The following THADA variants were observed in gnomAD, a reference collection of about 807,000 sequenced individuals.
THADA encodes the protein tRNA (32-2'-O)-methyltransferase regulator THADA.
A neutral mutation model predicts 219.8 loss-of-function variants in THADA; 213 were observed. The ratio of observed to expected loss-of-function variants is 0.97; its 90% CI spans 0.87 to 1.09. The LOEUF (loss-of-function observed/expected upper bound fraction) is 1.09, where lower values mean the gene tolerates loss of function less well. THADA is among the 50% of genes least tolerant of loss of function. THADA has a pLI of 0.00. For synonymous variants in THADA, 1,018 were observed against 828.9 expected, an observed-to-expected ratio of 1.23 and a Z score of -3.92; for missense variants, 2,956 against 2,311.3, an observed-to-expected ratio of 1.28 and a Z score of -5.72.
intron 28 of THADA, among the ~76,000 whole-genome samples, chr2:43,407,499 G>A (rs1675713139): frequency 6.6e-6 from 1 of 152,046 alleles, no homozygotes; most frequent in South Asian, 2.1e-4. Flanking sequence ...ACAAATCATA[G>A]GTGCTGAGTA....
At chr2:43,514,617 ATTTT>A in intron 22 of THADA, among the ~76,000 whole-genome samples, 1 of 104,970 alleles carries the variant, frequency 9.5e-6, no homozygotes, top group Non-Finnish European at 1.7e-5. Context: ...TATTTTATAT[ATTTT>A]ATATATATGT....
chr2:43,257,970 C>T (rs1447738267), intron 36 of THADA, among the ~76,000 whole-genome samples: 2 of 152,070 alleles, frequency 1.3e-5, no homozygotes, highest in African/African-American at 4.8e-5. Context: ...GTTGGGGATT[C>T]AGCAGGCTCT....
At chr2:43,412,298 TC>T (rs1676401869) in intron 28 of THADA, among the ~76,000 whole-genome samples, 1 of 152,184 alleles carries the variant, frequency 6.6e-6, no homozygotes, top group South Asian at 2.1e-4. Context: ...AATGTATGAG[TC>T]ACTCTTCAGT....
chr2:43,376,289 C>T (rs973939770), intron 29 of THADA, among the ~76,000 whole-genome samples: 10 of 152,198 alleles, frequency 6.6e-5, no homozygotes, highest in African/African-American at 2.4e-4. Context: ...CTACAAACAC[C>T]TAAGACAATT....
chr2:43,510,864 G>A (rs1285887614), intron 22 of THADA, among the ~76,000 whole-genome samples: 11 of 151,574 alleles, frequency 7.3e-5, no homozygotes, highest in African/African-American at 2.2e-4. Flanking sequence ...CCAGCTACTC[G>A]GGAGGCTGAA....
intron 12 of THADA, 84 bp from the exon 13 acceptor site, chr2:43,571,946 T>C: frequency 1.5e-6 from 2 of 1,340,614 alleles, no homozygotes; most frequent in South Asian, 1.4e-5. Context: ...TTACATAGGC[T>C]ACAAAAGGAA....
At position 43,428,139 on chromosome 2, in the gene THADA, G is replaced by A. The variant is rs1678737746; in HGVS notation, c.4019C>T (p.Ser1340Phe). Residue 1340 changes from serine (S) to phenylalanine (F), a missense_variant, in exon 28 of 38, where the codon TCT becomes TTT. Coordinates refer to ENST00000405975, the MANE Select transcript of THADA (RefSeq NM_022065.5). ...AACAAAAGGTCCCATGCTGAGAGCA[G>A]AAGAAGTACCATCCATCGGGGAAGC... ...LYASPMDGTS[S>F]ALSMGPFVPF... The A allele has an allele frequency of 1.3e-6, 2 of 1,562,686 alleles. No homozygotes were observed. Among genetic ancestry groups the A allele is most frequent in the Admixed American group, 1.7e-5 (1 of 58,430 alleles).
intron 30 of THADA, among the ~76,000 whole-genome samples, chr2:43,341,690 G>A (rs943270916): frequency 6.6e-6 from 1 of 152,118 alleles, no homozygotes; most frequent in Admixed American, 6.5e-5. Flanking sequence ...AGGATACTTG[G>A]GACAGTCCTG....
intron 26 of THADA, among the ~76,000 whole-genome samples, chr2:43,456,023 A>G (rs1253140758): frequency 6.6e-6 from 1 of 152,178 alleles, no homozygotes; most frequent in African/African-American, 2.4e-5. Flanking sequence ...AGACTACGCT[A>G]CAGTGCTATT....
At chr2:43,337,288 C>T (rs940231931) in intron 30 of THADA, among the ~76,000 whole-genome samples, 4 of 152,128 alleles carry the variant, frequency 2.6e-5, no homozygotes. Context: ...AACTGAAGAA[C>T]AATCTGTACC....
At chr2:43,330,512 A>G (rs879340244) in intron 30 of THADA, among the ~76,000 whole-genome samples, 1 of 152,182 alleles carries the variant, frequency 6.6e-6, no homozygotes, top group Non-Finnish European at 1.5e-5. Context: ...GCAGCTTAAT[A>G]TGAGGGCAGA....
At chr2:43,521,023 G>A (rs1423371794) in intron 22 of THADA, among the ~76,000 whole-genome samples, 4 of 135,224 alleles carry the variant, frequency 3.0e-5, no homozygotes, top group African/African-American at 1.1e-4. Flanking sequence ...AGGGAAGGGA[G>A]GGAAGGAATG....
At chr2:43,471,329 C>T (rs1386253875) in intron 26 of THADA, among the ~76,000 whole-genome samples, 1 of 152,010 alleles carries the variant, frequency 6.6e-6, no homozygotes, top group Non-Finnish European at 1.5e-5. Flanking sequence ...ACTTTGAGAC[C>T]AGCCTGGGCA....
At chr2:43,527,013 A>T (rs1171285893) in intron 22 of THADA, among the ~76,000 whole-genome samples, 3 of 152,228 alleles carry the variant, frequency 2.0e-5, no homozygotes, top group Non-Finnish European at 2.9e-5. Flanking sequence ...GGGACTTTTT[A>T]AAAAGTATCA....
intron 26 of THADA, among the ~76,000 whole-genome samples, chr2:43,479,001 C>T (rs1227107758): frequency 1.3e-5 from 2 of 152,154 alleles, no homozygotes; most frequent in African/African-American, 2.4e-5. Context: ...ACTCATTTAT[C>T]TACTCTGCCT....
chr2:43,368,348 G>C (rs1265621323), intron 29 of THADA, among the ~76,000 whole-genome samples: 1 of 152,044 alleles, frequency 6.6e-6, no homozygotes, highest in Non-Finnish European at 1.5e-5. Flanking sequence ...TTTGCTCAAA[G>C]CTAAAAGCCC....
intron 25 of THADA, among the ~76,000 whole-genome samples, chr2:43,495,479 A>C (rs922010922): frequency 1.1e-4 from 17 of 152,202 alleles, no homozygotes; most frequent in Non-Finnish European, 1.3e-4. Context: ...ACATAAAAAA[A>C]GAGAAAGAAA....
chr2:43,485,038 G>A (rs950528832), intron 26 of THADA, among the ~76,000 whole-genome samples, 196 bp downstream of exon 26: 2 of 151,646 alleles, frequency 1.3e-5, no homozygotes, highest in African/African-American at 4.9e-5. Context: ...TGCTTTGAAA[G>A]GTCCACTTAT....
chr2:43,520,451 G>A (rs1017599361), intron 22 of THADA, among the ~76,000 whole-genome samples: 3 of 152,142 alleles, frequency 2.0e-5, no homozygotes, highest in African/African-American at 2.4e-5. Flanking sequence ...ACTTTGGGAA[G>A]CCAAGGCCGG....
Sources: allele counts gnomAD v4.1 joint callset (sites outside exome capture counted in the v4.1 genomes callset), GRCh38; gene constraint gnomAD v4.1.1; transcripts MANE v1.5; gene names NCBI Gene and HGNC (gene_info 2026-07-23, HGNC 2026-07-21).